ALS2: variants seen among roughly 807,000 people sequenced by gnomAD.
ALS2 encodes alsin Rho guanine nucleotide exchange factor ALS2, also known as alsin.
In ALS2, 117 loss-of-function variants were observed where a neutral mutation model predicts 203.4. That is an observed-to-expected ratio of 0.58 (90% CI 0.50 to 0.67). The LOEUF (loss-of-function observed/expected upper bound fraction) is 0.67, where lower values mean the gene tolerates loss of function less well. Ranked by LOEUF, ALS2 falls within the 30% of genes least tolerant of loss-of-function variation. The pLI is 0.00. For missense variants in ALS2, 1,715 were observed against 1,989.4 expected (o/e 0.86, Z 2.62); for synonymous variants, 718 against 725.9 (o/e 0.99, Z 0.17).
chr2:201,707,642 C>A (rs1559031728), intron 28 of ALS2, among the ~76,000 whole-genome samples: 1 of 152,040 alleles, frequency 6.6e-6, no homozygotes. Flanking sequence ...CTTGCCCAGG[C>A]TGCTCTTGAA....
At chr2:201,728,989 A>T (rs968580974) in intron 14 of ALS2, 63 bp downstream of exon 14, 1 of 1,611,598 alleles carries the variant, frequency 6.2e-7, no homozygotes, top group Non-Finnish European at 8.5e-7. Flanking sequence ...AGAAAATTGT[A>T]TCAATTGTTA....
intron 1 of ALS2, among the ~76,000 whole-genome samples, chr2:201,776,476 T>C (rs1694666544): frequency 6.6e-6 from 1 of 152,182 alleles, no homozygotes; most frequent in Non-Finnish European, 1.5e-5. Context: ...TTCAGGATTA[T>C]TAAATAATAA....
At chr2:201,719,807 A>G (rs1209839749) in intron 23 of ALS2, among the ~76,000 whole-genome samples, 3 of 152,182 alleles carry the variant, frequency 2.0e-5, no homozygotes, top group African/African-American at 7.2e-5. Flanking sequence ...TCACAAACAT[A>G]CGAAGACAGA....
At chr2:201,734,620 G>C (rs1191108702) in intron 12 of ALS2, among the ~76,000 whole-genome samples, 1 of 152,178 alleles carries the variant, frequency 6.6e-6, no homozygotes, top group African/African-American at 2.4e-5. Flanking sequence ...CTGCTCCTGA[G>C]AGACGGAGGT....
At position 201,733,366 on chromosome 2, in the gene ALS2, C is replaced by T; in HGVS notation, c.2490G>A (p.Met830Ile). Residue 830 changes from methionine (M) to isoleucine (I), a missense_variant, in exon 13 of 34, where the codon ATG becomes ATA. By Grantham distance (10) the Met-to-Ile change is conservative (BLOSUM62 1). This residue lies in a region of ALS2 where 1,227 missense variants were observed against 1,413.5 expected (regional missense o/e 0.87). Coordinates refer to ENST00000264276, the MANE Select transcript of ALS2 (RefSeq NM_020919.4). ...SEVNDENTQL[M>I]EILNTLFFLP... ...AGAAAAACAAAGTATTCAGTATTTC[C>T]ATCAACTGAGTGTTTTCGTCATTCA... 1 of 1,613,558 alleles carries T rather than the reference C, an allele frequency of 6.2e-7. No individual in the cohort carries two copies. The highest frequency in any genetic ancestry group is 8.5e-7 in the Non-Finnish European group (1 of 1,179,686).
rs143487571 is a variant in ALS2 at position 201,746,869 on chromosome 2, A to T, written c.1816-121T>A. 2.0e-3 allele frequency: 2,240 copies of T among 1,109,242 alleles called. 3 individuals are homozygous for T. Among genetic ancestry groups the T allele is most frequent in the Non-Finnish European group, 2.6e-3 (1,946 of 741,280 alleles). 68.7% of individuals were successfully genotyped at this position (1,109,242 alleles called of 1,614,324 possible). On this transcript the variant is annotated intron_variant, in intron 8 of 33. Transcript: ENST00000264276. ...CGTGGTGCAGTCAGTCATATCTGAGAGCAAACTTACCCAGCAATTTGCCCA... is the reference window on the plus strand; with the variant it reads ...CGTGGTGCAGTCAGTCATATCTGAGTGCAAACTTACCCAGCAATTTGCCCA...
intron 17 of ALS2, 50 bp from the exon 18 acceptor site, chr2:201,726,916 C>A (rs1691209127): frequency 6.7e-6 from 10 of 1,499,240 alleles, no homozygotes; most frequent in Non-Finnish European, 9.2e-6. Context: ...ATTCATCAAG[C>A]ATTGCTTTAA....
At chr2:201,731,075 T>G (rs1399975750) in intron 13 of ALS2, among the ~76,000 whole-genome samples, 1 of 152,204 alleles carries the variant, frequency 6.6e-6, no homozygotes, top group African/African-American at 2.4e-5. Context: ...CGCTACACCA[T>G]GTAGCGAGGG....
chr2:201,746,252 A>C (rs1434153318), intron 9 of ALS2, among the ~76,000 whole-genome samples: 1 of 152,204 alleles, frequency 6.6e-6, no homozygotes, highest in African/African-American at 2.4e-5. Context: ...AATATCATCA[A>C]AATATTTATA....
At chr2:201,719,614 T>TAAAAAA (rs1386938843) in intron 23 of ALS2, among the ~76,000 whole-genome samples, 1 of 151,322 alleles carries the variant, frequency 6.6e-6, no homozygotes, top group Non-Finnish European at 1.5e-5. Context: ...AAAATAAAAA[T>TAAAAAA]AAAAATAAAA....
At chr2:201,739,142 G>C (rs1692084227) in intron 11 of ALS2, among the ~76,000 whole-genome samples, 1 of 150,842 alleles carries the variant, frequency 6.6e-6, no homozygotes, top group Non-Finnish European at 1.5e-5. Flanking sequence ...GGGAGGCTGA[G>C]GTGGGAGGAT....
At position 201,733,370 on chromosome 2, in the gene ALS2, A is replaced by C; in HGVS notation, c.2486T>G (p.Leu829Trp). 6.2e-7 allele frequency: 1 copy of C among 1,613,648 alleles called. No homozygotes were observed. The highest frequency in any genetic ancestry group is 8.5e-7 in the Non-Finnish European group (1 of 1,179,690). Reference protein sequence around the residue: ...LSEVNDENTQLMEILNTLFFL... With the variant: ...LSEVNDENTQWMEILNTLFFL... ...AAACAAAGTATTCAGTATTTCCATC[A>C]ACTGAGTGTTTTCGTCATTCACTTC... The change falls in exon 13 of 34, where the codon TTG (leucine) becomes TGG (tryptophan). Residue 829 changes from leucine to tryptophan, a missense_variant. Around this residue, in one of 3 missense-constraint regions of ALS2, gnomAD observed 1,227 missense variants for 1,413.5 expected, o/e 0.87. Transcript: ENST00000264276.
chr2:201,736,014 A>G (rs577471226), intron 12 of ALS2, among the ~76,000 whole-genome samples: 1 of 152,270 alleles, frequency 6.6e-6, no homozygotes, highest in African/African-American at 2.4e-5. Context: ...ATGATTCAGC[A>G]TTTCACCAAC....
At chr2:201,718,450 G>A (rs992323209) in intron 23 of ALS2, among the ~76,000 whole-genome samples, 16 of 151,944 alleles carry the variant, frequency 1.1e-4, no homozygotes, top group South Asian at 4.2e-4. Context: ...CAGTAGAGAC[G>A]GGGTTTCACC....
In ALS2 at chr2:201,715,852, T is replaced by C; in HGVS notation, c.3837-13A>G. ...TCCTAGCTTCCTGCTAATAAAGTCA[T>C]ATCAACCTTTTATTAATCATTTCTT... On this transcript the variant is annotated splice_polypyrimidine_tract_variant and intron_variant, in intron 24 of 33. Coordinates refer to ENST00000264276, the MANE Select transcript of ALS2 (RefSeq NM_020919.4). The C allele has an allele frequency of 6.2e-7, 1 of 1,614,126 alleles. No individual in the cohort carries two copies. Among genetic ancestry groups the C allele is most frequent in the Non-Finnish European group, 8.5e-7 (1 of 1,179,946 alleles).
At chr2:201,757,885 T>G in intron 4 of ALS2, 126 bp from the exon 5 acceptor site, 1 of 719,740 alleles carries the variant, frequency 1.4e-6, no homozygotes, top group Non-Finnish European at 2.2e-6. Flanking sequence ...AGAAGTTCTC[T>G]TCATCTTCAA....
chr2:201,732,578 AAACAAC>A (rs1165739449), intron 13 of ALS2, among the ~76,000 whole-genome samples: 1 of 151,934 alleles, frequency 6.6e-6, no homozygotes, highest in Non-Finnish European at 1.5e-5. Flanking sequence ...AAAAACAAAC[AAACAAC>A]AACAACAATA....
rs376835062 is a variant in ALS2 at position 201,715,813 on chromosome 2, G to A, written c.3863C>T (p.Pro1288Leu). The stretch of plus-strand genomic sequence containing the variant: ...CACCGCTTTCCACTTCTCATCAGCT[G>A]GCACTGCCAGGTTTCCTAGCTTCCT... ...VFRKLGNLAV[P>L]ADEKWKAVFD... Residue 1288 changes from proline (P) to leucine (L), a missense_variant, in exon 25 of 34, where the codon CCA (proline) becomes CTA (leucine). Coordinates refer to ENST00000264276, the MANE Select transcript of ALS2 (RefSeq NM_020919.4). The A allele has an allele frequency of 1.3e-4, 215 of 1,613,886 alleles. No individual in the cohort carries two copies. Among genetic ancestry groups the A allele is most frequent in the Non-Finnish European group, 1.8e-4 (208 of 1,180,040 alleles).
intron 33 of ALS2, 30 bp from the exon 34 acceptor site, chr2:201,701,919 T>C (rs748090968): frequency 1.2e-6 from 2 of 1,610,144 alleles, no homozygotes; most frequent in South Asian, 1.1e-5. Flanking sequence ...TAATTTCAAA[T>C]TCACTTTTAA....
Sources: allele counts gnomAD v4.1 joint callset (sites outside exome capture counted in the v4.1 genomes callset), GRCh38; gene constraint gnomAD v4.1.1; regional missense constraint gnomAD v4.1.1; transcripts MANE v1.5; gene names NCBI Gene and HGNC (gene_info 2026-07-23, HGNC 2026-07-21).